INCENP: variants seen among roughly 807,000 people sequenced by gnomAD.
The protein encoded by INCENP is binds and activates aurora-B and -C in vivo and in vitro.
Under a neutral mutation model 107.3 loss-of-function variants are expected in INCENP, and 43 were observed. That is an observed-to-expected ratio of 0.40 (90% CI 0.31 to 0.52). INCENP has a LOEUF of 0.52. Among genes scored for constraint, INCENP ranks in the 20% least tolerant of loss-of-function variants. The pLI, the probability that INCENP is intolerant of heterozygous loss-of-function variation, is 0.53. For synonymous variants in INCENP, 488 were observed against 494.4 expected, an observed-to-expected ratio of 0.99 and a Z score of 0.17; for missense variants, 1,089 against 1,250.9, an observed-to-expected ratio of 0.87 and a Z score of 1.95.
At chr11:62,124,192 G>A (rs1414489971) in intron 1 of INCENP, 29 bp downstream of exon 1, 3 of 152,262 alleles carry the variant, frequency 2.0e-5, no homozygotes, top group African/African-American at 7.2e-5. Context: ...GGGGATTGGG[G>A]GGTGGTTCGC....
chr11:62,136,681 A>C (rs1590614256), intron 4 of INCENP, among the ~76,000 whole-genome samples: 1 of 152,208 alleles, frequency 6.6e-6, no homozygotes, highest in South Asian at 2.1e-4. Flanking sequence ...GTCTGTCTCA[A>C]AAAAAGAAAA....
intron 1 of INCENP, among the ~76,000 whole-genome samples, chr11:62,124,614 A>G (rs1181089935): frequency 6.6e-6 from 1 of 152,150 alleles, no homozygotes; most frequent in African/African-American, 2.4e-5. Flanking sequence ...TCACTCCCCA[A>G]GCCTGTTCGC....
intron 4 of INCENP, among the ~76,000 whole-genome samples, chr11:62,131,406 T>C (rs568437749): frequency 2.0e-5 from 3 of 152,288 alleles, no homozygotes; most frequent in Admixed American, 2.0e-4. Flanking sequence ...CTCTCTCAGA[T>C]CTCAGCTTAG....
chr11:62,129,265 C>T (rs1234631980), intron 3 of INCENP, among the ~76,000 whole-genome samples: 1 of 152,206 alleles, frequency 6.6e-6, no homozygotes, highest in African/African-American at 2.4e-5. Context: ...TTTTAGTCCC[C>T]CTCAGGAATG....
At chr11:62,126,761 C>T (rs1298589159) in intron 1 of INCENP, among the ~76,000 whole-genome samples, 6 of 152,182 alleles carry the variant, frequency 3.9e-5, no homozygotes, top group Non-Finnish European at 7.3e-5. Flanking sequence ...ATAGTATTTG[C>T]ATATAACCTA....
intron 4 of INCENP, among the ~76,000 whole-genome samples, chr11:62,133,560 GCCAGTGCTTAGGCCACTTCCCTA>G (rs2134630651): frequency 6.6e-6 from 1 of 152,338 alleles, no homozygotes; most frequent in East Asian, 1.9e-4. Flanking sequence ...CCATCCCTCT[GCCAGTGCTTAGGCCACTTCCCTA>G]CCACCAGACC....
At chr11:62,138,016 G>GT (rs910040084) in intron 5 of INCENP, 133 bp downstream of exon 5, 1 of 786,632 alleles carries the variant, frequency 1.3e-6, no homozygotes, top group African/African-American at 1.7e-5. Flanking sequence ...GAGCTGCCCC[G>GT]TTTTCCCTGT....
intron 16 of INCENP, 56 bp downstream of exon 16, chr11:62,148,610 T>A: frequency 6.5e-7 from 1 of 1,538,606 alleles, no homozygotes; most frequent in South Asian, 1.2e-5. Flanking sequence ...TGTGGGCGGG[T>A]CTGGACTCCT....
rs1391520624 is a variant in INCENP at position 62,144,881 on chromosome 11, C to G, written c.1606-101C>G. ...CTAAGAAGCATTCTGATGCTGCCAC[C>G]CACGTGGCTGCAGGCTGCTGGGGAC... is the stretch of plus-strand genomic sequence containing the variant. On this transcript the variant is annotated intron_variant, in intron 11 of 18. Transcript: ENST00000394818. The G allele has an allele frequency of 5.9e-6, 6 of 1,019,040 alleles. No individual in the cohort carries two copies. The East Asian group carries it at 1.4e-4, about 24-fold the overall frequency. The allele number at this position is 1,019,040 out of a possible 1,614,324, so 63.1% of individuals were successfully genotyped here.
intron 15 of INCENP, among the ~76,000 whole-genome samples, chr11:62,147,555 C>T (rs1260359518): frequency 6.6e-6 from 1 of 152,186 alleles, no homozygotes; most frequent in East Asian, 1.9e-4. Context: ...ACATGGGATC[C>T]TGTGTCTGTG....
intron 17 of INCENP, 73 bp from the exon 18 acceptor site, chr11:62,149,984 T>C (rs1590631089): frequency 6.9e-7 from 1 of 1,456,816 alleles, no homozygotes; most frequent in East Asian, 2.3e-5. Context: ...AGGTGAGCAG[T>C]GCCCCAGCAC....
At chr11:62,146,036 G>C (rs1476682774) in intron 14 of INCENP, among the ~76,000 whole-genome samples, 1 of 152,232 alleles carries the variant, frequency 6.6e-6, no homozygotes, top group African/African-American at 2.4e-5. Flanking sequence ...CAGGCTGCTT[G>C]ACCTCTCTGC....
At position 62,130,395 on chromosome 11, in the gene INCENP, T is replaced by G. The variant is rs1460255275; in HGVS notation, c.868T>G (p.Phe290Val). ...GCTGGCTCCCATCCTGCCGGATAAC[T>G]TCTCCACGCCCACGGGCTCTCGCAC... ...RVLAPILPDN[F>V]STPTGSRTDS... is the part of the protein sequence containing the mutation. Residue 290 changes from phenylalanine to valine, a missense_variant, in exon 4 of 19, where the codon TTC (phenylalanine) becomes GTC (valine). Coordinates refer to ENST00000394818, the MANE Select transcript of INCENP (RefSeq NM_001040694.2). 1 of 1,613,248 alleles carries G rather than the reference T, an allele frequency of 6.2e-7. No homozygotes were observed. The highest frequency in any genetic ancestry group is 1.1e-5 in the South Asian group (1 of 91,078).
At chr11:62,127,197 C>T (rs1792951) in intron 1 of INCENP, among the ~76,000 whole-genome samples, 80,820 of 151,344 alleles carry the variant, frequency 0.53, 23,435 homozygotes, top group Non-Finnish European at 0.67. Context: ...CCACCATGAC[C>T]AGCTAATTGT....
chr11:62,127,513 G>A (rs1216318028), intron 1 of INCENP, among the ~76,000 whole-genome samples: 1 of 152,252 alleles, frequency 6.6e-6, no homozygotes, highest in Non-Finnish European at 1.5e-5. Context: ...TCAGCTCAAG[G>A]GAGAGGGTTG....
At position 62,148,746 on chromosome 11, in the gene INCENP, A is replaced by G; in HGVS notation, c.2291A>G (p.Gln764Arg). The G allele has an allele frequency of 6.3e-7, 1 of 1,588,410 alleles. No homozygotes were observed. Among genetic ancestry groups the G allele is most frequent in the Non-Finnish European group, 8.6e-7 (1 of 1,169,006 alleles). The change falls in exon 17 of 19, where the codon CAG becomes CGG. Residue 764 changes from glutamine to arginine, a missense_variant. Physicochemically the swap from Gln to Arg is conservative, Grantham distance 43 (BLOSUM62 1). Coordinates refer to ENST00000394818, the MANE Select transcript of INCENP (RefSeq NM_001040694.2). ...ELEEKKKKEE[Q>R]QRLAERQLQE... ...TTGCCACCTGGGTTCCAGGAAGAGC[A>G]GCAGCGTCTGGCTGAGCGGCAGCTG... is the stretch of plus-strand genomic sequence containing the variant.
intron 11 of INCENP, among the ~76,000 whole-genome samples, chr11:62,144,068 A>G (rs1944182358): frequency 6.6e-6 from 1 of 152,242 alleles, no homozygotes; most frequent in Non-Finnish European, 1.5e-5. Flanking sequence ...GTGGTAGCTC[A>G]CACCTGTAAT....
intron 4 of INCENP, among the ~76,000 whole-genome samples, chr11:62,137,495 T>C (rs538422582): frequency 3.2e-4 from 49 of 152,256 alleles, no homozygotes; most frequent in African/African-American, 1.1e-3. Flanking sequence ...AATAAGCTGC[T>C]TTGTGTTGGG....
At chr11:62,132,750 T>A (rs927604186) in intron 4 of INCENP, among the ~76,000 whole-genome samples, 4 of 152,174 alleles carry the variant, frequency 2.6e-5, no homozygotes, top group African/African-American at 7.2e-5. Flanking sequence ...CTGATTTGAC[T>A]GGTGCATGTT....
Sources: allele counts gnomAD v4.1 joint callset (sites outside exome capture counted in the v4.1 genomes callset), GRCh38; gene constraint gnomAD v4.1.1; transcripts MANE v1.5; gene names NCBI Gene and HGNC (gene_info 2026-07-23, HGNC 2026-07-21).